RPS6KC1: variants seen among roughly 807,000 people sequenced by gnomAD.
The protein encoded by RPS6KC1 is inactive ribosomal protein S6 kinase delta-1.
In RPS6KC1, 54 loss-of-function variants were observed where a neutral mutation model predicts 103.8. The observed-to-expected ratio is 0.52, with a 90% CI of 0.42 to 0.65. The LOEUF is 0.65. Ranked by LOEUF, RPS6KC1 falls within the 30% of genes least tolerant of loss-of-function variation. RPS6KC1 has a pLI of 0.00. For synonymous variants in RPS6KC1, 439 were observed against 438.7 expected, an observed-to-expected ratio of 1.00 and a Z score of -0.01; for missense variants, 1,151 against 1,253.8, an observed-to-expected ratio of 0.92 and a Z score of 1.24.
chr1:213,232,669 G>T (rs981614995), intron 10 of RPS6KC1, among the ~76,000 whole-genome samples: 1 of 152,140 alleles, frequency 6.6e-6, no homozygotes, highest in African/African-American at 2.4e-5. Flanking sequence ...CTTTTAGAAG[G>T]CAAGGGTGTT....
the RPS6KC1 span, among the ~76,000 whole-genome samples, chr1:213,583,846 GA>G: frequency 5.1e-4 from 70 of 137,982 alleles, no homozygotes; most frequent in African/African-American, 1.8e-3. Flanking sequence ...AAAGAAAAAA[GA>G]AAAAAAAAGA....
chr1:213,737,378 G>A, the RPS6KC1 span, among the ~76,000 whole-genome samples: 1 of 152,162 alleles, frequency 6.6e-6, no homozygotes, highest in East Asian at 1.9e-4. Context: ...CCATGACCAT[G>A]ACAGCTTTAT....
At chr1:213,397,773 C>G in the RPS6KC1 span, among the ~76,000 whole-genome samples, 2 of 152,118 alleles carry the variant, frequency 1.3e-5, no homozygotes, top group Non-Finnish European at 2.9e-5. Flanking sequence ...GGCAGGAGAG[C>G]TACTCATGGG....
At chr1:213,429,619 T>A in the RPS6KC1 span, among the ~76,000 whole-genome samples, 4 of 152,184 alleles carry the variant, frequency 2.6e-5, no homozygotes, top group Non-Finnish European at 5.9e-5. Flanking sequence ...AACCGGATAC[T>A]TGGAGCAGAT....
chr1:213,709,420 T>A, the RPS6KC1 span, among the ~76,000 whole-genome samples: 2,335 of 152,292 alleles, frequency 0.015, 55 homozygotes, highest in African/African-American at 0.053. Flanking sequence ...TTATATTGTG[T>A]CTATTTGATT....
At chr1:213,695,614 C>T in the RPS6KC1 span, among the ~76,000 whole-genome samples, 7 of 152,240 alleles carry the variant, frequency 4.6e-5, no homozygotes, top group Non-Finnish European at 1.0e-4. Context: ...TCTTGATGCT[C>T]TCAGTGTGAT....
At chr1:213,526,961 A>G in the RPS6KC1 span, among the ~76,000 whole-genome samples, 1 of 152,236 alleles carries the variant, frequency 6.6e-6, no homozygotes, top group Admixed American at 6.5e-5. Context: ...GTTTTCTGGT[A>G]CTGAGCCAAT....
chr1:213,575,420 C>G, the RPS6KC1 span, among the ~76,000 whole-genome samples: 1 of 152,166 alleles, frequency 6.6e-6, no homozygotes, highest in Non-Finnish European at 1.5e-5. Flanking sequence ...CCACCCAAAT[C>G]TCATCTTGAA....
At chr1:213,576,840 G>A in the RPS6KC1 span, among the ~76,000 whole-genome samples, 1 of 152,192 alleles carries the variant, frequency 6.6e-6, no homozygotes, top group Non-Finnish European at 1.5e-5. Context: ...GGCCTCTTGA[G>A]CCAAACAGTT....
intron 6 of RPS6KC1, among the ~76,000 whole-genome samples, chr1:213,167,439 AACAC>A (rs199762137): frequency 0.012 from 914 of 75,976 alleles, 7 homozygotes; most frequent in Middle Eastern, 0.029. Context: ...CAAGGTTGAA[AACAC>A]ACACACACAC....
chr1:213,813,110 G>C, the RPS6KC1 span, among the ~76,000 whole-genome samples: 1 of 151,974 alleles, frequency 6.6e-6, no homozygotes, highest in Non-Finnish European at 1.5e-5. Context: ...AATTAGCTGG[G>C]TGTGGTGGCA....
chr1:213,376,919 G>A, the RPS6KC1 span, among the ~76,000 whole-genome samples: 2 of 152,232 alleles, frequency 1.3e-5, no homozygotes, highest in Non-Finnish European at 1.5e-5. Context: ...GAAGAATGAG[G>A]TGGAGGGCTT....
intron 8 of RPS6KC1, among the ~76,000 whole-genome samples, chr1:213,186,402 ATGT>A (rs1229921216): frequency 3.9e-5 from 6 of 151,994 alleles, no homozygotes; most frequent in African/African-American, 1.2e-4. Flanking sequence ...CACTTTGAAA[ATGT>A]TGTTTCACTC....
Position 213,190,716 on chromosome 1 carries a change from A to G in RPS6KC1, c.1044+14224A>G, listed in dbSNP as rs551042723. Among the ~76,000 whole-genome samples the G allele has an allele frequency of 1.5e-4, 23 of 152,240 alleles. No homozygotes were observed. The East Asian group carries it at 3.1e-3, about 20-fold the overall frequency. On this transcript the variant is annotated intron_variant, in intron 8 of 14. Transcript: ENST00000366960. ...TGCGCTTGTAGCGTATTACTCAATA[A>G]ATTTTTGCCCATTCCAATGTCCTGG...
the RPS6KC1 span, among the ~76,000 whole-genome samples, chr1:213,332,029 TAA>T: frequency 1.7e-4 from 23 of 133,332 alleles, no homozygotes; most frequent in Non-Finnish European, 1.6e-4. Flanking sequence ...CACAAGATCT[TAA>T]AAAAAAAAAA....
the RPS6KC1 span, among the ~76,000 whole-genome samples, chr1:213,806,359 G>T: frequency 6.6e-6 from 1 of 151,186 alleles, no homozygotes; most frequent in African/African-American, 2.4e-5. Context: ...AAAATAAAAA[G>T]AAAAAAAAAT....
the RPS6KC1 span, among the ~76,000 whole-genome samples, chr1:213,859,086 T>A: frequency 6.6e-6 from 1 of 152,234 alleles, no homozygotes. Context: ...GACCAAGGCA[T>A]GCATCATTTG....
the RPS6KC1 span, among the ~76,000 whole-genome samples, chr1:213,350,430 C>T: frequency 6.6e-6 from 1 of 152,128 alleles, no homozygotes; most frequent in Non-Finnish European, 1.5e-5. Context: ...ACAGACACTT[C>T]TGGGGCAGAT....
At chr1:213,127,080 CTG>C (rs755931823) in intron 5 of RPS6KC1, among the ~76,000 whole-genome samples, 5 of 151,932 alleles carry the variant, frequency 3.3e-5, no homozygotes, top group Non-Finnish European at 7.4e-5. Flanking sequence ...TTATATAACT[CTG>C]TTGTCAGTCT....
Sources: gnomAD v4.1 joint callset for allele counts (sites outside exome capture counted in the v4.1 genomes callset) on GRCh38, gnomAD v4.1.1 for gene constraint, MANE v1.5 for transcripts, NCBI Gene and HGNC (gene_info 2026-07-23, HGNC 2026-07-21) for gene names.